IL1RAPL1: variants seen among roughly 807,000 people sequenced by gnomAD.
The protein encoded by IL1RAPL1 is interleukin 1 receptor accessory protein like 1.
IL1RAPL1 carries 3 observed loss-of-function variants against 48.4 expected under a neutral mutation model. That is an observed-to-expected ratio of 0.06 (90% CI 0.03 to 0.16). The LOEUF (loss-of-function observed/expected upper bound fraction) is 0.16, where lower values mean the gene tolerates loss of function less well. Among genes scored for constraint, IL1RAPL1 ranks in the 10% least tolerant of loss-of-function variants. The pLI is 1.00. For missense variants in IL1RAPL1, 349 were observed against 530.6 expected, an observed-to-expected ratio of 0.66 and a Z score of 3.36; for synonymous variants, 185 against 187.7, an observed-to-expected ratio of 0.99 and a Z score of 0.12.
chrX:29,109,478 T>A (rs183909097), intron 2 of IL1RAPL1, among the ~76,000 whole-genome samples: 1 of 111,019 alleles, frequency 9.0e-6, no homozygotes, highest in East Asian at 2.8e-4. Flanking sequence ...CTCCCTTATT[T>A]TATTTTTTAG....
At chrX:29,116,357 A>G (rs1928678352) in intron 2 of IL1RAPL1, among the ~76,000 whole-genome samples, 1 of 111,038 alleles carries the variant, frequency 9.0e-6, no homozygotes, top group African/African-American at 3.3e-5. Context: ...ATTAAAGGCT[A>G]TGACCCGGGA....
chrX:28,749,579 TA>T (rs1936015251), intron 1 of IL1RAPL1, among the ~76,000 whole-genome samples: 1 of 111,816 alleles, frequency 8.9e-6, no homozygotes, highest in African/African-American at 3.2e-5. Context: ...AAATGTCTAT[TA>T]AGGTATTTTG....
chrX:29,105,848 A>G (rs971223034), intron 2 of IL1RAPL1, among the ~76,000 whole-genome samples: 7 of 111,853 alleles, frequency 6.3e-5, no homozygotes, highest in African/African-American at 2.3e-4. Flanking sequence ...AAAGCCATCA[A>G]TGGGCTGTAC....
chrX:28,826,055 C>T (rs1383296043), intron 2 of IL1RAPL1, among the ~76,000 whole-genome samples: 2 of 111,541 alleles, frequency 1.8e-5, no homozygotes, highest in Non-Finnish European at 3.8e-5. Flanking sequence ...AAGCTGTTAT[C>T]AAAATCTTTA....
intron 6 of IL1RAPL1, among the ~76,000 whole-genome samples, chrX:29,776,370 TATC>T (rs1333574940): frequency 9.0e-6 from 1 of 111,299 alleles, no homozygotes; most frequent in African/African-American, 3.3e-5. Flanking sequence ...GCTTTCCAGT[TATC>T]ATACTCAGAA....
At position 29,439,446 on chromosome X, in the gene IL1RAPL1, C is replaced by T. The variant is rs1025615865; in HGVS notation, c.703+40138C>T. ...GTCACAGTAAAGTCCAAAGCTAATG[C>T]GTTAAAGGTATATACTCTGCCTATT... is the stretch of plus-strand genomic sequence containing the variant. On this transcript the variant is annotated intron_variant, in intron 5 of 10. Transcript: ENST00000378993. Among the ~76,000 whole-genome samples the T allele has an allele frequency of 3.6e-5, 4 of 111,438 alleles. No individual in the cohort carries two copies. In the East Asian group the frequency reaches 8.4e-4, roughly 23 times the overall value.
intron 2 of IL1RAPL1, among the ~76,000 whole-genome samples, chrX:29,123,219 G>A (rs1928833528): frequency 9.2e-6 from 1 of 109,079 alleles, no homozygotes; most frequent in African/African-American, 3.3e-5. Context: ...TAGTAGAGTC[G>A]GGGTTTCACC....
At chrX:28,916,253 C>A (rs1454439949) in intron 2 of IL1RAPL1, among the ~76,000 whole-genome samples, 1 of 110,914 alleles carries the variant, frequency 9.0e-6, no homozygotes, top group East Asian at 2.8e-4. Context: ...ACATAACTCC[C>A]AGAAACACTG....
intron 6 of IL1RAPL1, among the ~76,000 whole-genome samples, chrX:29,821,468 A>T (rs200919793): frequency 1.9e-5 from 2 of 106,776 alleles, no homozygotes; most frequent in Admixed American, 9.9e-5. Context: ...AAAATAAAAT[A>T]AAAATAAAAT....
chrX:29,766,441 A>G (rs1438069874), intron 6 of IL1RAPL1, among the ~76,000 whole-genome samples: 5 of 92,427 alleles, frequency 5.4e-5, no homozygotes, highest in Admixed American at 1.4e-4. Context: ...ATATATATAT[A>G]TTTATATGTC....
At chrX:28,937,058 C>A (rs1474099767) in intron 2 of IL1RAPL1, among the ~76,000 whole-genome samples, 1 of 111,168 alleles carries the variant, frequency 9.0e-6, no homozygotes, top group Non-Finnish European at 1.9e-5. Context: ...ATGAAAAATT[C>A]TGTCAATATG....
At chrX:29,948,384 C>A (rs1331594467) in intron 9 of IL1RAPL1, among the ~76,000 whole-genome samples, 3 of 111,183 alleles carry the variant, frequency 2.7e-5, no homozygotes, top group African/African-American at 9.8e-5. Context: ...ACAACAATTG[C>A]CAGAGGTTGT....
intron 1 of IL1RAPL1, among the ~76,000 whole-genome samples, chrX:28,747,279 C>T (rs927258453): frequency 6.3e-5 from 7 of 111,578 alleles, no homozygotes; most frequent in Admixed American, 1.9e-4. Flanking sequence ...TTTCCTCCTT[C>T]CCCATGTACA....
chrX:29,429,038 C>T (rs531773445), intron 5 of IL1RAPL1, among the ~76,000 whole-genome samples: 3 of 112,257 alleles, frequency 2.7e-5, no homozygotes, highest in African/African-American at 6.5e-5. Context: ...AACTCCAAGG[C>T]GAACTCTTCC....
chrX:29,567,793 T>C (rs1259066816), intron 5 of IL1RAPL1, among the ~76,000 whole-genome samples: 1 of 111,209 alleles, frequency 9.0e-6, no homozygotes, highest in Non-Finnish European at 1.9e-5. Flanking sequence ...ATACAAATGC[T>C]TCATTTGTTC....
At chrX:28,590,394 C>A (rs1027420008) in intron 1 of IL1RAPL1, among the ~76,000 whole-genome samples, 3 of 111,156 alleles carry the variant, frequency 2.7e-5, no homozygotes, top group African/African-American at 9.8e-5. Context: ...GAGTAAGATG[C>A]AGAATCTAGA....
At chrX:29,390,954 A>G (rs1933845649) in intron 3 of IL1RAPL1, among the ~76,000 whole-genome samples, 1 of 111,394 alleles carries the variant, frequency 9.0e-6, no homozygotes, top group Non-Finnish European at 1.9e-5. Flanking sequence ...CAGGTAGATC[A>G]ACTGAGATCA....
intron 2 of IL1RAPL1, chrX:28,942,450 A>G (rs1279064063): frequency 1.8e-5 from 2 of 108,902 alleles, no homozygotes; most frequent in African/African-American, 6.6e-5. Flanking sequence ...TTTTAAACCA[A>G]AAAGGTAGTG....
At chrX:28,766,616 A>G (rs1202969442) in intron 1 of IL1RAPL1, among the ~76,000 whole-genome samples, 7 of 110,735 alleles carry the variant, frequency 6.3e-5, no homozygotes, top group Admixed American at 1.9e-4. Context: ...CTGTTGTGCT[A>G]TCACATAGTG....
Sources: gnomAD v4.1 joint callset for allele counts (sites outside exome capture counted in the v4.1 genomes callset) on GRCh38, gnomAD v4.1.1 for gene constraint, MANE v1.5 for transcripts, NCBI Gene and HGNC (gene_info 2026-07-23, HGNC 2026-07-21) for gene names.